Variants in B4GALT3 observed in about 807,000 individuals in gnomAD.
B4GALT3 encodes N-acetyllactosamine synthase.
B4GALT3 carries 29 observed loss-of-function variants against 40.7 expected under a neutral mutation model. The ratio of observed to expected loss-of-function variants is 0.71; its 90% confidence interval spans 0.53 to 0.97. The LOEUF (loss-of-function observed/expected upper bound fraction) is 0.97, where lower values mean the gene tolerates loss of function less well. Ranked by LOEUF, B4GALT3 falls within the 50% of genes least tolerant of loss-of-function variation. B4GALT3 has a pLI of 0.00. For synonymous variants in B4GALT3, 182 were observed against 203.9 expected (o/e 0.89, Z 0.92); for missense variants, 390 against 522.3 (o/e 0.75, Z 2.47).
chr1:161,175,386 G>A (rs1663114840), intron 3 of B4GALT3, among the ~76,000 whole-genome samples, 158 bp from the exon 4 acceptor site: 1 of 152,084 alleles, frequency 6.6e-6, no homozygotes, highest in Non-Finnish European at 1.5e-5. Flanking sequence ...CCTATCACTG[G>A]GACAGCTCTA....
At position 161,173,721 on chromosome 1, in the gene B4GALT3, C is replaced by T. The variant is rs200680049; in HGVS notation, c.687G>A (p.Pro229=). 1.2e-5 allele frequency: 19 copies of T among 1,613,968 alleles called. No individual in the cohort carries two copies. Among genetic ancestry groups the T allele is most frequent in the East Asian group, 2.2e-5 (1 of 44,902 alleles). The stretch of plus-strand genomic sequence containing the variant: ...AGACTCCTCCGAAGTACTGGGGGTA[C>T]GGGAGGCTAGGGAGAGAAAGATCCT... The part of the protein sequence containing the change: ...VAMNKFGYSL[P]YPQYFGGVSA... Residue 229 remains proline (P), a synonymous_variant, in exon 6 of 8, where the codon CCG becomes CCA. Coordinates refer to ENST00000319769, the MANE Select transcript of B4GALT3 (RefSeq NM_003779.4).
At chr1:161,175,766 A>G in intron 3 of B4GALT3, 42 bp downstream of exon 3, 1 of 1,604,780 alleles carries the variant, frequency 6.2e-7, no homozygotes, top group Non-Finnish European at 8.5e-7. Context: ...CTGTCTCCGC[A>G]CCTTGTCCTT....
intron 6 of B4GALT3, chr1:161,172,551 C>G (rs752292355): frequency 1.9e-6 from 1 of 519,892 alleles, no homozygotes; most frequent in Non-Finnish European, 3.3e-6. Flanking sequence ...ACCCTAGGGC[C>G]TTTAAACAGT....
intron 6 of B4GALT3, 104 bp from the exon 7 acceptor site, chr1:161,172,435 C>G (rs1661794893): frequency 2.1e-6 from 2 of 968,336 alleles, no homozygotes; most frequent in Non-Finnish European, 3.0e-6. Flanking sequence ...ACTTAGTAGG[C>G]AAAAGAAAAA....
Position 161,175,551 on chromosome 1 carries a change from C to G in B4GALT3, c.253+257G>C, listed in dbSNP as rs149823734. Reference sequence around the variant, plus strand: ...GGGCTCATCTACAAGGAAAACAATTCCTAGCCTGGGGCAGGAAGAGCCCAT... The same window carrying G: ...GGGCTCATCTACAAGGAAAACAATTGCTAGCCTGGGGCAGGAAGAGCCCAT... On this transcript the variant is annotated intron_variant, in intron 3 of 7. Coordinates refer to ENST00000319769, the MANE Select transcript of B4GALT3 (RefSeq NM_003779.4). Among the ~76,000 whole-genome samples the G allele has an allele frequency of 6.8e-4, 104 of 152,220 alleles. 2 individuals are homozygous for G. In the East Asian group the frequency reaches 0.019, roughly 28 times the overall value.
chr1:161,175,899 GACATC>G lies in B4GALT3; in HGVS notation c.157_161del (p.Asp53LeufsTer3). 6.2e-7 allele frequency: 1 copy of G among 1,614,174 alleles called. No individual in the cohort carries two copies. The highest frequency in any genetic ancestry group is 1.3e-5 in the African/African-American group (1 of 75,034). ...CAGGCAGGTGACTGAGGTTACTGTAGACATCACGAGGGTGAGAATAGTCAAATGTC... is the reference window on the plus strand; with the variant it reads ...CAGGCAGGTGACTGAGGTTACTGTAGACGAGGGTGAGAATAGTCAAATGTC... On this transcript the variant is annotated frameshift_variant, in exon 3 of 8. Coordinates refer to ENST00000319769, the MANE Select transcript of B4GALT3 (RefSeq NM_003779.4). LOFTEE classifies it high-confidence loss of function.
chr1:161,177,070 T>C, intron 1 of B4GALT3: 1 of 1,486,854 alleles, frequency 6.7e-7, no homozygotes, highest in Non-Finnish European at 9.0e-7. Flanking sequence ...TTTCTACCTT[T>C]CCCCTCTTCT....
intron 4 of B4GALT3, among the ~76,000 whole-genome samples, chr1:161,174,627 G>A (rs948106708): frequency 3.9e-5 from 6 of 152,090 alleles, no homozygotes; most frequent in Non-Finnish European, 7.4e-5. Flanking sequence ...TGGAACAGAT[G>A]GTATATTAGT....
rs1455454495 is a variant in B4GALT3 at position 161,172,312 on chromosome 1, T to G, written c.823A>C (p.Lys275Gln). The G allele has an allele frequency of 2.5e-6, 4 of 1,614,030 alleles. No individual in the cohort carries two copies. Among genetic ancestry groups the G allele is most frequent in the South Asian group, 1.1e-5 (1 of 91,054 alleles). Residue 275 changes from lysine (K) to glutamine (Q), a missense_variant, in exon 7 of 8, where the codon AAG becomes CAG. Transcript: ENST00000319769. ...ACAGATGTGGGGGGCCGAGAGATCT[T>G]CATCCCAGCCAGGCGCACCCTATGG... ...IATRVRLAGM[K>Q]ISRPPTSVGH...
At position 161,171,398 on chromosome 1, in the gene B4GALT3, G is replaced by A; in HGVS notation, c.*418C>T. On this transcript the variant is annotated 3_prime_UTR_variant, in exon 8 of 8. Transcript: ENST00000319769. ...AGAGGGAGCTATTCCAGCATAGGCAGAAAATGCCCAGGGAGGGGCTTCCTT... is the reference window on the plus strand; with the variant it reads ...AGAGGGAGCTATTCCAGCATAGGCAAAAAATGCCCAGGGAGGGGCTTCCTT... 1.3e-6 allele frequency: 1 copy of A among 766,926 alleles called. No homozygotes were observed. The highest frequency in any genetic ancestry group is 2.1e-6 in the Non-Finnish European group (1 of 485,682). 47.5% of individuals were successfully genotyped at this position (766,926 alleles called of 1,614,324 possible).
rs1447729429 is a variant in B4GALT3 at position 161,175,059 on chromosome 1, C to G, written c.423G>C (p.Leu141=). The G allele has an allele frequency of 6.2e-7, 1 of 1,614,044 alleles. No homozygotes were observed. The highest frequency in any genetic ancestry group is 1.7e-5 in the Admixed American group (1 of 59,996). Residue 141 remains leucine (L), a synonymous_variant, in exon 4 of 8, where the codon CTG becomes CTC. Transcript: ENST00000319769. ...GCAAGAAGGGGTGCAGGTGGTAGAGCAGCAGGCGCAGGTGGTGCTCCCGGG... is the reference window on the plus strand; with the variant it reads ...GCAAGAAGGGGTGCAGGTGGTAGAGGAGCAGGCGCAGGTGGTGCTCCCGGG... The part of the protein sequence containing the change: ...HRAREHHLRL[L]LYHLHPFLQR...
chr1:161,175,873 C>G lies in B4GALT3; in HGVS notation c.188G>C (p.Gly63Ala). 1 of 1,614,120 alleles carries G rather than the reference C, an allele frequency of 6.2e-7. No individual in the cohort carries two copies. The highest frequency in any genetic ancestry group is 2.2e-5 in the East Asian group (1 of 44,866). The change falls in exon 3 of 8, where the codon GGG becomes GCG. Residue 63 changes from glycine (G) to alanine (A), a missense_variant. Physicochemically the swap from Gly to Ala is moderately conservative, Grantham distance 60 (BLOSUM62 0). Transcript: ENST00000319769. ...DVYSNLSHLP[G>A]APGGPPAPQG... ...AGGAGCTGGAGGACCCCCTGGGGCCCCAGGCAGGTGACTGAGGTTACTGTA... is the reference window on the plus strand; with the variant it reads ...AGGAGCTGGAGGACCCCCTGGGGCCGCAGGCAGGTGACTGAGGTTACTGTA...
rs76903710 is a variant in B4GALT3 at position 161,176,224 on chromosome 1, G to C, written c.-14-150C>G. ...AGGGAGCACACAGGTGCACAGTCAC[G>C]CAAGGAAACAGAATGTAACCACCAG... On this transcript the variant is annotated intron_variant, in intron 2 of 7. Transcript: ENST00000319769. 702 of 860,444 alleles carry C rather than the reference G, an allele frequency of 8.2e-4. 15 individuals are homozygous for C. In the East Asian group the frequency reaches 0.015, roughly 18 times the overall value. 53.3% of individuals were successfully genotyped at this position (860,444 alleles called of 1,614,324 possible).
In B4GALT3 at chr1:161,175,045, TGCAGGTGGTAGAGCAGCAGGC is replaced by T. The variant is rs1308650298; in HGVS notation, c.416_436del (p.Arg139_Leu145del). On this transcript the variant is annotated inframe_deletion, in exon 4 of 8. Coordinates refer to ENST00000319769, the MANE Select transcript of B4GALT3 (RefSeq NM_003779.4). ...AAGCTGCTGGCGCTGCAAGAAGGGG[TGCAGGTGGTAGAGCAGCAGGC>T]GCAGGTGGTGCTCCCGGGCACGATG... 1 of 1,613,728 alleles carries T rather than the reference TGCAGGTGGTAGAGCAGCAGGC, an allele frequency of 6.2e-7. No individual in the cohort carries two copies. Among genetic ancestry groups the T allele is most frequent in the Admixed American group, 1.7e-5 (1 of 59,954 alleles).
At chr1:161,176,793 A>G (rs1663707511) in intron 1 of B4GALT3, 25 of 1,455,978 alleles carry the variant, frequency 1.7e-5, no homozygotes, top group Non-Finnish European at 2.1e-5. Context: ...CCACCCCAAC[A>G]GGACAGATTG....
In B4GALT3 at chr1:161,174,423, AAAAGAAT is replaced by A. The variant is rs1662712656; in HGVS notation, c.490-381_490-375del. 1.2e-4 allele frequency among the ~76,000 whole-genome samples: 18 copies of A among 152,100 alleles called. 1 individual carries two copies. Among genetic ancestry groups the A allele is most frequent in the Admixed American group, 1.2e-3 (18 of 15,272 alleles). On this transcript the variant is annotated intron_variant, in intron 4 of 7. Transcript: ENST00000319769. ...ATCTCAAAAAAAAAAAAAAAGAAAA[AAAAGAAT>A]AAAAGTGAAAAGAGGGAAATCAAAG...
At position 161,174,046 on chromosome 1, in the gene B4GALT3, C is replaced by G. The variant is rs1258815287; in HGVS notation, c.493G>C (p.Gly165Arg). ...AYGIYVIHQA[G>R]NGTFNRAKLL... ...TTTGCCCTGTTAAATGTTCCATTTC[C>G]AGCCTGGAAGATAATGGAGGGGAAC... Residue 165 changes from glycine to arginine, a missense_variant, in exon 5 of 8, where the codon GGA becomes CGA. By Grantham distance (125) the Gly-to-Arg change is moderately radical. Coordinates refer to ENST00000319769, the MANE Select transcript of B4GALT3 (RefSeq NM_003779.4). 7 of 1,613,034 alleles carry G rather than the reference C, an allele frequency of 4.3e-6. No individual in the cohort carries two copies. The highest frequency in any genetic ancestry group is 5.9e-6 in the Non-Finnish European group (7 of 1,179,486).
chr1:161,177,595 G>T (rs111597473), upstream of B4GALT3: 1 of 158,964 alleles, frequency 6.3e-6, no homozygotes. Context: ...GTGGCCGGGG[G>T]CTTGTGAGGG....
intron 4 of B4GALT3, among the ~76,000 whole-genome samples, chr1:161,174,402 C>CAA (rs554703903): frequency 5.4e-5 from 3 of 55,738 alleles, no homozygotes; most frequent in Admixed American, 1.9e-4. Flanking sequence ...AGTGAGATCT[C>CAA]AAAAAAAAAA....
Sources: allele counts gnomAD v4.1 joint callset (sites outside exome capture counted in the v4.1 genomes callset), GRCh38; gene constraint gnomAD v4.1.1; transcripts MANE v1.5; gene names NCBI Gene and HGNC (gene_info 2026-07-23, HGNC 2026-07-21).